The following TAS1R1 variants were observed in gnomAD, a reference collection of about 807,000 sequenced individuals.
The protein encoded by TAS1R1 is taste 1 receptor member 1.
In TAS1R1, 31 loss-of-function variants were observed where a neutral mutation model predicts 45.8. That is an observed-to-expected ratio of 0.68 (90% CI 0.51 to 0.91). The LOEUF is 0.91. TAS1R1 is among the 40% of genes least tolerant of loss of function. The pLI is 0.00. For synonymous variants in TAS1R1, 437 were observed against 448.4 expected (o/e 0.97, Z 0.32); for missense variants, 1,051 against 1,063.9 (o/e 0.99, Z 0.17).
chr1:6,576,712 G>C, intron 4 of TAS1R1, 85 bp downstream of exon 4: 2 of 1,528,000 alleles, frequency 1.3e-6, no homozygotes, highest in Non-Finnish European at 1.8e-6. Flanking sequence ...TGTACAGGGA[G>C]CAGGAGGGGG....
At chr1:6,564,964 G>C (rs1204528503) in intron 1 of TAS1R1, among the ~76,000 whole-genome samples, 1 of 152,124 alleles carries the variant, frequency 6.6e-6, no homozygotes, top group Non-Finnish European at 1.5e-5. Flanking sequence ...ATATACGACA[G>C]TTGGAGGTTA....
At chr1:6,562,783 TAGGTTG>T (rs915195435) in intron 1 of TAS1R1, among the ~76,000 whole-genome samples, 1 of 152,014 alleles carries the variant, frequency 6.6e-6, no homozygotes, top group Non-Finnish European at 1.5e-5. Context: ...GAAGCAGACA[TAGGTTG>T]AGGTTCCACA....
rs775853705 is a variant in TAS1R1, at chr1:6,579,439, T to C, written c.2381T>C (p.Met794Thr). 1.9e-6 allele frequency: 3 copies of C among 1,613,958 alleles called. No individual in the cohort carries two copies. The highest frequency in any genetic ancestry group is 4.5e-5 in the East Asian group (2 of 44,906). ...AAGTACCTGCCTGCGGCCAACATGATGGCTGGGCTGAGCAGCCTGAGCAGC... is the reference window on the plus strand; with the variant it reads ...AAGTACCTGCCTGCGGCCAACATGACGGCTGGGCTGAGCAGCCTGAGCAGC... ...DGKYLPAANM[M>T]AGLSSLSSGF... The change falls in exon 6 of 6, where the codon ATG (methionine) becomes ACG (threonine). Residue 794 changes from methionine to threonine, a missense_variant. Met to Thr is a moderately conservative substitution (Grantham distance 81). Transcript: ENST00000333172.
rs780700145 is a variant in TAS1R1, at chr1:6,574,710, A to G, written c.578A>G (p.Lys193Arg). 5 of 1,614,244 alleles carry G rather than the reference A, an allele frequency of 3.1e-6. No homozygotes were observed. The highest frequency in any genetic ancestry group is 4.2e-6 in the Non-Finnish European group (5 of 1,180,044). The change falls in exon 3 of 6, where the codon AAG becomes AGG. Residue 193 changes from lysine to arginine, a missense_variant. Transcript: ENST00000333172. This position sits in a 1 kb window ranked among gnomAD's most constrained non-coding sequence, Gnocchi z 4.3. ...PSFLRTIPND[K>R]YQVETMVLLL... The stretch of plus-strand genomic sequence containing the variant: ...TTCCTGCGCACCATCCCCAATGACA[A>G]GTACCAGGTGGAGACCATGGTGCTG...
intron 1 of TAS1R1, among the ~76,000 whole-genome samples, chr1:6,568,323 C>T (rs1391647248): frequency 6.6e-6 from 1 of 151,698 alleles, no homozygotes; most frequent in Non-Finnish European, 1.5e-5. Flanking sequence ...GGCGTGGCGG[C>T]GGGTGCCTGT....
At chr1:6,568,664 A>T (rs966609912) in intron 1 of TAS1R1, among the ~76,000 whole-genome samples, 2 of 152,068 alleles carry the variant, frequency 1.3e-5, no homozygotes, top group African/African-American at 4.8e-5. Flanking sequence ...TCATGTGGTT[A>T]TGGGATGCCC....
intron 3 of TAS1R1, 72 bp downstream of exon 3, chr1:6,575,464 T>A: frequency 6.9e-7 from 1 of 1,446,490 alleles, no homozygotes; most frequent in Non-Finnish European, 9.2e-7. Flanking sequence ...GTGGGCACTC[T>A]CCGGTCACTC....
At chr1:6,570,809 C>T in intron 1 of TAS1R1, 100 bp from the exon 2 acceptor site, 2 of 1,153,456 alleles carry the variant, frequency 1.7e-6, no homozygotes, top group Non-Finnish European at 2.5e-6. Flanking sequence ...CCGATGACCT[C>T]AAAGGTTCCC....
intron 1 of TAS1R1, 140 bp from the exon 2 acceptor site, chr1:6,570,769 C>T (rs1407070346): frequency 4.5e-6 from 3 of 669,242 alleles, no homozygotes; most frequent in Middle Eastern, 4.1e-4. Flanking sequence ...CTTGAGAGCC[C>T]TTGTTGAAGT....
chr1:6,561,037 G>A (rs190047472), intron 1 of TAS1R1, among the ~76,000 whole-genome samples: 2 of 152,140 alleles, frequency 1.3e-5, no homozygotes, highest in East Asian at 1.9e-4. Flanking sequence ...AAGGCTGTGG[G>A]GTTGGGATGG....
At position 6,579,410 on chromosome 1, in the gene TAS1R1, C is replaced by T. The variant is rs1254751729; in HGVS notation, c.2352C>T (p.Asp784=). ...IAFFTTASVY[D]GKYLPAANMM... ...TCTTCACCACGGCCAGCGTCTACGA[C>T]GGCAAGTACCTGCCTGCGGCCAACA... Residue 784 remains aspartate (D), a synonymous_variant, in exon 6 of 6, where the codon GAC becomes GAT. Coordinates refer to ENST00000333172, the MANE Select transcript of TAS1R1 (RefSeq NM_138697.4). 1.2e-6 allele frequency: 2 copies of T among 1,613,952 alleles called. No homozygotes were observed. Among genetic ancestry groups the T allele is most frequent in the African/African-American group, 2.7e-5 (2 of 75,074 alleles).
At chr1:6,565,483 A>C (rs1020996921) in intron 1 of TAS1R1, among the ~76,000 whole-genome samples, 2 of 152,132 alleles carry the variant, frequency 1.3e-5, no homozygotes, top group Non-Finnish European at 1.5e-5. Flanking sequence ...GGAGCAAAAG[A>C]AGGAGGGCTT....
chr1:6,572,677 T>G (rs1640049130), intron 2 of TAS1R1, among the ~76,000 whole-genome samples: 1 of 151,942 alleles, frequency 6.6e-6, no homozygotes, highest in African/African-American at 2.4e-5. Flanking sequence ...CCCCACTTCC[T>G]CTGAAAAGGT....
rs987578010 is a variant in TAS1R1, at chr1:6,560,721, G to A, written c.191+5157G>A. Among the ~76,000 whole-genome samples, 33 of 152,230 alleles carry A rather than the reference G, an allele frequency of 2.2e-4. 1 individual carries two copies. Among genetic ancestry groups the A allele is most frequent in the Admixed American group, 2.2e-3 (33 of 15,294 alleles). ...ATGTTGGCCGGGCGTGGTGGCTCAC[G>A]CCTGTAATCCCAGCACTTTGGGAGG... On this transcript the variant is annotated intron_variant, in intron 1 of 5. Coordinates refer to ENST00000333172, the MANE Select transcript of TAS1R1 (RefSeq NM_138697.4).
At chr1:6,571,275 G>A (rs1640009036) in intron 2 of TAS1R1, 60 bp downstream of exon 2, 1 of 1,469,408 alleles carries the variant, frequency 6.8e-7, no homozygotes, top group African/African-American at 1.6e-5. Flanking sequence ...GCTGGGGCAT[G>A]TGGGCAAGAG....
chr1:6,558,263 C>A (rs1250932201), intron 1 of TAS1R1, among the ~76,000 whole-genome samples: 1 of 151,966 alleles, frequency 6.6e-6, no homozygotes, highest in African/African-American at 2.4e-5. Context: ...GTCTCAAATT[C>A]TTGAGCTCAA....
At position 6,579,703 on chromosome 1, in the gene TAS1R1, G is replaced by T. The variant is rs1476840839; in HGVS notation, c.*119G>T. The T allele has an allele frequency of 1.5e-6, 2 of 1,358,620 alleles. No homozygotes were observed. The highest frequency in any genetic ancestry group is 2.0e-6 in the Non-Finnish European group (2 of 1,023,354). The allele number at this position is 1,358,620 out of a possible 1,614,324, so 84.2% of individuals were successfully genotyped here. On this transcript the variant is annotated 3_prime_UTR_variant, in exon 6 of 6. Transcript: ENST00000333172. ...CGGTCTGGGGTTGGGACGTGTAAGC[G>T]CCTGGGAGAGCCTAGACCAGGCTCC... is the stretch of plus-strand genomic sequence containing the variant.
chr1:6,576,757 C>T (rs1439131178), intron 4 of TAS1R1, 130 bp downstream of exon 4: 14 of 1,383,054 alleles, frequency 1.0e-5, no homozygotes, highest in East Asian at 2.4e-5. Flanking sequence ...CTCTACCCAT[C>T]CTGGCCAGGG....
At chr1:6,567,388 G>A (rs991447413) in intron 1 of TAS1R1, among the ~76,000 whole-genome samples, 7 of 151,680 alleles carry the variant, frequency 4.6e-5, no homozygotes, top group East Asian at 1.9e-4. Flanking sequence ...GTGAAACCCC[G>A]TCTCTACTAA....
Sources: gnomAD v4.1 joint callset for allele counts (sites outside exome capture counted in the v4.1 genomes callset) on GRCh38, gnomAD v4.1.1 for gene constraint, Gnocchi (gnomAD v3.1) non-coding constraint, MANE v1.5 for transcripts, NCBI Gene and HGNC (gene_info 2026-07-23, HGNC 2026-07-21) for gene names.